The following NHEJ1 variants were observed in gnomAD, a reference collection of about 807,000 sequenced individuals.
The protein encoded by NHEJ1 is non-homologous end joining factor 1.
In NHEJ1, 22 loss-of-function variants were observed where a neutral mutation model predicts 39.4. The observed-to-expected ratio is 0.56, with a 90% CI of 0.40 to 0.80. The LOEUF (loss-of-function observed/expected upper bound fraction) is 0.80. Among genes scored for constraint, NHEJ1 ranks in the 30% least tolerant of loss-of-function variants. The pLI, the probability that NHEJ1 is intolerant of heterozygous loss-of-function variation, is 0.00. For synonymous variants in NHEJ1, 154 were observed against 135.6 expected (o/e 1.14, Z -0.94); for missense variants, 329 against 357.1 (o/e 0.92, Z 0.63).
chr2:219,157,544 T>A lies in NHEJ1; in HGVS notation c.318A>T (p.Leu106=). 1 of 1,614,162 alleles carries A rather than the reference T, an allele frequency of 6.2e-7. No homozygotes were observed. The highest frequency in any genetic ancestry group is 8.5e-7 in the Non-Finnish European group (1 of 1,180,042). The change falls in exon 3 of 8, where the codon CTA becomes CTT. Residue 106 remains leucine (L), a synonymous_variant. Transcript: ENST00000356853. ...SCDCVADALI[L]RVRSELSGLP... ...GGCCAGAGAGCTCACTTCGCACCCG[T>A]AGAATCAGTGCATCTGCCACACAAT...
intron 3 of NHEJ1, 123 bp from the exon 4 acceptor site, chr2:219,147,918 C>T: frequency 2.2e-6 from 2 of 923,576 alleles, no homozygotes; most frequent in Non-Finnish European, 3.4e-6. Context: ...GTTTCATAGG[C>T]AAGTAACCCA....
chr2:219,098,856 C>G (rs1270668255), intron 5 of NHEJ1, among the ~76,000 whole-genome samples: 1 of 152,138 alleles, frequency 6.6e-6, no homozygotes, highest in Non-Finnish European at 1.5e-5. Flanking sequence ...TGCTTTCTGA[C>G]TACATTTGAC....
chr2:219,118,139 T>C lies in NHEJ1; in HGVS notation c.588+28541A>G, dbSNP rs1397065886. On this transcript the variant is annotated intron_variant, in intron 5 of 7. Coordinates refer to ENST00000356853, the MANE Select transcript of NHEJ1 (RefSeq NM_024782.3). ...TGCCATGAGGACCCCTGCCCCTTCA[T>C]GACTTTGAACTCACATAACCTAGCT... Among the ~76,000 whole-genome samples the C allele has an allele frequency of 4.6e-5, 7 of 152,208 alleles. No individual in the cohort carries two copies. In the South Asian group the frequency reaches 1.2e-3, roughly 27 times the overall value.
chr2:219,081,805 G>T (rs997386596), intron 5 of NHEJ1, among the ~76,000 whole-genome samples: 10 of 152,246 alleles, frequency 6.6e-5, no homozygotes, highest in African/African-American at 2.4e-4. Flanking sequence ...AGCATCAGAG[G>T]TGGTGACATC....
intron 5 of NHEJ1, among the ~76,000 whole-genome samples, chr2:219,099,699 T>C (rs1345948570): frequency 6.9e-6 from 1 of 144,870 alleles, no homozygotes; most frequent in African/African-American, 2.9e-5. Context: ...TACTCACTAG[T>C]AAGAGGACTA....
chr2:219,146,621 C>G (rs948461050), intron 5 of NHEJ1, 59 bp downstream of exon 5: 2 of 1,376,774 alleles, frequency 1.5e-6, no homozygotes, highest in Admixed American at 1.7e-5. Flanking sequence ...AATGGCCACT[C>G]AGGCACCTGG....
chr2:219,087,184 T>G (rs1949119551), intron 5 of NHEJ1, among the ~76,000 whole-genome samples: 1 of 152,222 alleles, frequency 6.6e-6, no homozygotes, highest in Non-Finnish European at 1.5e-5. Flanking sequence ...AACATTATTT[T>G]AGCACCTCTC....
Position 219,159,576 on chromosome 2 carries a change from C to CATATATATGCAT in NHEJ1, c.-1+1143_-1+1144insATGCATATATAT, listed in dbSNP as rs1949904336. On this transcript the variant is annotated intron_variant, in intron 1 of 7. Transcript: ENST00000356853. ...GCATATATATATGCATATATATATG[C>CATATATATGCAT]ATATATATATGCATATATATATATG... Among the ~76,000 whole-genome samples, 81 of 68,954 alleles carry CATATATATGCAT rather than the reference C, an allele frequency of 1.2e-3. 5 individuals are homozygous for CATATATATGCAT. Among genetic ancestry groups the CATATATATGCAT allele is most frequent in the Admixed American group, 2.9e-3 (18 of 6,266 alleles). 45.2% of individuals were successfully genotyped at this position (68,954 alleles called of 152,430 possible).
chr2:219,155,311 T>A (rs1949842613), intron 3 of NHEJ1, among the ~76,000 whole-genome samples: 1 of 152,000 alleles, frequency 6.6e-6, no homozygotes, highest in Non-Finnish European at 1.5e-5. Flanking sequence ...CTGCTTGTAA[T>A]CCCAACACCT....
At chr2:219,093,662 G>T (rs1949181134) in intron 5 of NHEJ1, among the ~76,000 whole-genome samples, 1 of 152,202 alleles carries the variant, frequency 6.6e-6, no homozygotes, top group African/African-American at 2.4e-5. Context: ...GAAAGGAGAA[G>T]TGACTGGGAA....
rs747840286 is a variant in NHEJ1, at chr2:219,157,517, G to A, written c.345C>T (p.Leu115=). Residue 115 remains leucine (L), a synonymous_variant, in exon 3 of 8, where the codon CTC becomes CTT. Transcript: ENST00000356853. ...TGCAGTGGAAATTCCAATAGAAGGG[G>A]AGGCCAGAGAGCTCACTTCGCACCC... The part of the protein sequence containing the change: ...ILRVRSELSG[L]PFYWNFHCML... The A allele has an allele frequency of 2.5e-6, 4 of 1,614,150 alleles. No individual in the cohort carries two copies.
At position 219,076,387 on chromosome 2, in the gene NHEJ1, G is replaced by A; in HGVS notation, c.894C>T (p.Phe298=). The change falls in exon 8 of 8, where the codon TTC becomes TTT. Residue 298 remains phenylalanine (F), a synonymous_variant. Transcript: ENST00000356853. ...CAGCTGAGGCCACAACAGATTAACT[G>A]AAGAGACCCCTTGGCTTCTTCCTCT... is the stretch of plus-strand genomic sequence containing the variant. The part of the protein sequence containing the change: ...KVKRKKPRGL[F]S 1.2e-6 allele frequency: 2 copies of A among 1,614,100 alleles called. No homozygotes were observed. Among genetic ancestry groups the A allele is most frequent in the Non-Finnish European group, 8.5e-7 (1 of 1,180,014 alleles).
At chr2:219,080,667 TTTTATATATGCTAATATATATGCTTA>T (rs1332783642) in intron 5 of NHEJ1, among the ~76,000 whole-genome samples, 10 of 10,586 alleles carry the variant, frequency 9.4e-4, no homozygotes, top group African/African-American at 2.6e-3. Context: ...ATATATAAGC[TTTTATATATGCTAATATATATGCTTA>T]TATATATATA....
At chr2:219,127,249 C>T (rs1949534108) in intron 5 of NHEJ1, among the ~76,000 whole-genome samples, 1 of 152,130 alleles carries the variant, frequency 6.6e-6, no homozygotes, top group African/African-American at 2.4e-5. Flanking sequence ...TCAGACGTGG[C>T]CTACTTCTTT....
At chr2:219,124,162 C>G (rs1473518323) in intron 5 of NHEJ1, among the ~76,000 whole-genome samples, 2 of 152,170 alleles carry the variant, frequency 1.3e-5, no homozygotes, top group South Asian at 4.2e-4. Context: ...TACAACAGTC[C>G]GTCTCTGACT....
intron 3 of NHEJ1, 127 bp from the exon 4 acceptor site, chr2:219,147,922 T>A: frequency 1.1e-6 from 1 of 903,714 alleles, no homozygotes; most frequent in Non-Finnish European, 1.7e-6. Context: ...CATAGGCAAG[T>A]AACCCATTTA....
chr2:219,145,015 G>T (rs938722777), intron 5 of NHEJ1, among the ~76,000 whole-genome samples: 1 of 152,118 alleles, frequency 6.6e-6, no homozygotes, highest in African/African-American at 2.4e-5. Context: ...AGGAGTTCAA[G>T]ACCAGCCTGA....
chr2:219,088,224 A>AT (rs1304961299), intron 5 of NHEJ1, among the ~76,000 whole-genome samples: 10 of 152,244 alleles, frequency 6.6e-5, no homozygotes, highest in Admixed American at 5.2e-4. Context: ...ACTTCTATGT[A>AT]TTTCCCCAAC....
chr2:219,110,375 AGCC>A (rs1949354833), intron 5 of NHEJ1, among the ~76,000 whole-genome samples: 1 of 152,090 alleles, frequency 6.6e-6, no homozygotes, highest in African/African-American at 2.4e-5. Context: ...TATATAAATT[AGCC>A]AGGTGTGGTA....
Sources: gnomAD v4.1 joint callset for allele counts (sites outside exome capture counted in the v4.1 genomes callset) on GRCh38, gnomAD v4.1.1 for gene constraint, MANE v1.5 for transcripts, NCBI Gene and HGNC (gene_info 2026-07-23, HGNC 2026-07-21) for gene names.